The following RAX variants were observed in gnomAD, a reference collection of about 807,000 sequenced individuals.
RAX encodes the protein retina and anterior neural fold homeobox.
In RAX, 11 loss-of-function variants were observed where a neutral mutation model predicts 17.4. The observed-to-expected ratio is 0.63, with a 90% CI of 0.40 to 1.05. RAX has a LOEUF of 1.05. Ranked by LOEUF, RAX falls within the 50% of genes least tolerant of loss-of-function variation. The pLI is 0.00. For missense variants in RAX, 527 were observed against 501.1 expected, an observed-to-expected ratio of 1.05 and a Z score of -0.49; for synonymous variants, 276 against 254.7, an observed-to-expected ratio of 1.08 and a Z score of -0.80.
At position 59,273,017 on chromosome 18, in the gene RAX, C is replaced by T. The variant is rs1445611036; in HGVS notation, c.190G>A (p.Asp64Asn). The part of the protein sequence containing the change: ...ERGARGAKER[D>N]RRLGARPACP... ...GCGGGCCGCGCGCCCAGCCTCCTAT[C>T]CCGCTCCTTCGCGCCCCGGGCGCCC... is the stretch of plus-strand genomic sequence containing the variant. The change falls in exon 1 of 3, where the codon GAT (aspartate) becomes AAT (asparagine). Residue 64 changes from aspartate to asparagine, a missense_variant. Physicochemically the swap from Asp to Asn is conservative, Grantham distance 23. Coordinates refer to ENST00000334889, the MANE Select transcript of RAX (RefSeq NM_013435.3). 6 of 1,533,970 alleles carry T rather than the reference C, an allele frequency of 3.9e-6. No homozygotes were observed. The highest frequency in any genetic ancestry group is 2.4e-5 in the East Asian group (1 of 40,846).
At chr18:59,272,166 A>G (rs1166008468) in intron 2 of RAX, among the ~76,000 whole-genome samples, 195 bp downstream of exon 2, 1 of 152,246 alleles carries the variant, frequency 6.6e-6, no homozygotes, top group Non-Finnish European at 1.5e-5. Context: ...TCGTACTACA[A>G]ACTGGAACAG....
Position 59,273,280 on chromosome 18 carries a change from G to C in RAX, c.-74C>G. 1 of 1,443,240 alleles carries C rather than the reference G, an allele frequency of 6.9e-7. No homozygotes were observed. Among genetic ancestry groups the C allele is most frequent in the Non-Finnish European group, 9.2e-7 (1 of 1,088,416 alleles). The allele number at this position is 1,443,240 out of a possible 1,614,324, so 89.4% of individuals were successfully genotyped here. Reference sequence around the variant, plus strand: ...CTCGAAGCCGGGTCTTCCCGAGTGCGGCGGTGCAACCCGACGGGTCCCGAC... The same window carrying C: ...CTCGAAGCCGGGTCTTCCCGAGTGCCGCGGTGCAACCCGACGGGTCCCGAC... On this transcript the variant is annotated 5_prime_UTR_variant, in exon 1 of 3. Coordinates refer to ENST00000334889, the MANE Select transcript of RAX (RefSeq NM_013435.3).
chr18:59,270,390 G>C (rs1555667491), intron 2 of RAX, among the ~76,000 whole-genome samples: 2 of 151,970 alleles, frequency 1.3e-5, no homozygotes, highest in Non-Finnish European at 2.9e-5. Context: ...AAGGTTTTTT[G>C]CTTCTTCTTC....
intron 2 of RAX, among the ~76,000 whole-genome samples, 162 bp downstream of exon 2, chr18:59,272,199 G>A (rs1022151392): frequency 6.6e-6 from 1 of 152,248 alleles, no homozygotes; most frequent in Non-Finnish European, 1.5e-5. Flanking sequence ...GCGATGCACA[G>A]GGAACATCGA....
rs1315957672 is a variant in RAX, at chr18:59,269,322, C to T, written c.723G>A (p.Leu241=). The part of the protein sequence containing the change: ...GGGPAGGALP[L]ESWLGPPLPG... ...GCAGCGGCGGCCCGAGCCAGGACTC[C>T]AGCGGCAGCGCGCCCCCAGCCGGCC... The change falls in exon 3 of 3, where the codon CTG becomes CTA. Residue 241 remains leucine (L), a synonymous_variant. Transcript: ENST00000334889. The T allele has an allele frequency of 7.7e-7, 1 of 1,299,958 alleles. No individual in the cohort carries two copies. Among genetic ancestry groups the T allele is most frequent in the Non-Finnish European group, 9.7e-7 (1 of 1,029,986 alleles). 80.5% of individuals were successfully genotyped at this position (1,299,958 alleles called of 1,614,324 possible).
chr18:59,267,750 C>T lies in RAX; in HGVS notation c.*1254G>A, dbSNP rs1453216875. On this transcript the variant is annotated 3_prime_UTR_variant, in exon 3 of 3. Coordinates refer to ENST00000334889, the MANE Select transcript of RAX (RefSeq NM_013435.3). ...GCTCAGGCGGGAGTCCGGGACTCTC[C>T]TTCTTCAGAGAGTCTCAGGAGATTG... is the stretch of plus-strand genomic sequence containing the variant. 1 of 152,072 alleles carries T rather than the reference C, an allele frequency of 6.6e-6. No individual in the cohort carries two copies. Among genetic ancestry groups the T allele is most frequent in the African/African-American group, 2.4e-5 (1 of 41,392 alleles). The allele number at this position is 152,072 out of a possible 1,614,324, so 9.4% of individuals were successfully genotyped here. A position where few individuals can be genotyped will look rare whatever the true frequency, so the allele number is the denominator to read the frequency against.
intron 2 of RAX, among the ~76,000 whole-genome samples, chr18:59,270,981 A>C (rs1207901338): frequency 6.6e-6 from 1 of 152,228 alleles, no homozygotes; most frequent in African/African-American, 2.4e-5. Flanking sequence ...CCCAGGTTAT[A>C]GACTGAAGGA....
rs965716154 is a variant in RAX at position 59,273,421 on chromosome 18, T to A, written c.-215A>T. 1.4e-5 allele frequency: 8 copies of A among 565,544 alleles called. No homozygotes were observed. Among genetic ancestry groups the A allele is most frequent in the African/African-American group, 1.4e-4 (7 of 49,608 alleles). 35.0% of individuals were successfully genotyped at this position (565,544 alleles called of 1,614,324 possible). A position where few individuals can be genotyped will look rare whatever the true frequency, so the allele number is the denominator to read the frequency against. On this transcript the variant is annotated 5_prime_UTR_variant, in exon 1 of 3. Coordinates refer to ENST00000334889, the MANE Select transcript of RAX (RefSeq NM_013435.3). Reference sequence around the variant, plus strand: ...GTCGGAAGTTCGGGCTCGGGGTAGCTGGGGCTCTCGGCGCTAAAGGCGGGG... The same window carrying A: ...GTCGGAAGTTCGGGCTCGGGGTAGCAGGGGCTCTCGGCGCTAAAGGCGGGG...
In RAX at chr18:59,268,135, C is replaced by G. The variant is rs1243633653; in HGVS notation, c.*869G>C. On this transcript the variant is annotated 3_prime_UTR_variant, in exon 3 of 3. Coordinates refer to ENST00000334889, the MANE Select transcript of RAX (RefSeq NM_013435.3). The surrounding 1 kb of genome is among the most constrained non-coding windows in gnomAD (Gnocchi z 4.4). The stretch of plus-strand genomic sequence containing the variant: ...TTAGGAGAGCGGGGACGCCAGGGGC[C>G]GGGGGACACTTCGCTCTCGCCCTAG... 1 of 152,488 alleles carries G rather than the reference C, an allele frequency of 6.6e-6. No homozygotes were observed. Among genetic ancestry groups the G allele is most frequent in the African/African-American group, 2.4e-5 (1 of 41,404 alleles). The allele number at this position is 152,488 out of a possible 1,614,324, so 9.4% of individuals were successfully genotyped here. A position where few individuals can be genotyped will look rare whatever the true frequency, so the allele number is the denominator to read the frequency against.
rs944233320 is a variant in RAX at position 59,272,799 on chromosome 18, C to A, written c.289+119G>T. The A allele has an allele frequency of 5.0e-6, 7 of 1,399,458 alleles. No individual in the cohort carries two copies. In the African/African-American group the frequency reaches 8.6e-5, roughly 17 times the overall value. 86.7% of individuals were successfully genotyped at this position (1,399,458 alleles called of 1,614,324 possible). A position where few individuals can be genotyped will look rare whatever the true frequency, so the allele number is the denominator to read the frequency against. On this transcript the variant is annotated intron_variant, in intron 1 of 2. Transcript: ENST00000334889. ...GCAAATTGGAAGCTCCCGCCATAGA[C>A]GGTCCCCAACCCCGCGCCCAGTTGC...
In RAX at chr18:59,272,703, C is replaced by T. The variant is rs529916865; in HGVS notation, c.290-89G>A. On this transcript the variant is annotated intron_variant, in intron 1 of 2. Transcript: ENST00000334889. ...CTCGCTGTGGGCACTGGCCAGCCCGCCTGCGGGCTCCGAGATGGCCCGGGG... is the reference window on the plus strand; with the variant it reads ...CTCGCTGTGGGCACTGGCCAGCCCGTCTGCGGGCTCCGAGATGGCCCGGGG... The T allele has an allele frequency of 1.4e-5, 20 of 1,472,406 alleles. No homozygotes were observed. The East Asian group carries it at 3.9e-4, about 29-fold the overall frequency. 91.2% of individuals were successfully genotyped at this position (1,472,406 alleles called of 1,614,324 possible). A position where few individuals can be genotyped will look rare whatever the true frequency, so the allele number is the denominator to read the frequency against.
rs1369873955 is a variant in RAX, at chr18:59,267,725, GCTCAGGCGGGAGTCCGGGACTCTCCTT to G, written c.*1252_*1278del. 1.3e-5 allele frequency: 2 copies of G among 149,400 alleles called. No individual in the cohort carries two copies. Among genetic ancestry groups the G allele is most frequent in the African/African-American group, 4.9e-5 (2 of 40,698 alleles). 9.3% of individuals were successfully genotyped at this position (149,400 alleles called of 1,614,324 possible). On this transcript the variant is annotated 3_prime_UTR_variant, in exon 3 of 3. Transcript: ENST00000334889. Reference sequence around the variant, plus strand: ...AGTGTCAACGGTGGATATCGAGCACGCTCAGGCGGGAGTCCGGGACTCTCCTTCTTCAGAGAGTCTCAGGAGATTGTG... The same window carrying G: ...AGTGTCAACGGTGGATATCGAGCACGCTTCAGAGAGTCTCAGGAGATTGTG...
At chr18:59,269,606 A>G in intron 2 of RAX, 105 bp from the exon 3 acceptor site, 1 of 1,307,894 alleles carries the variant, frequency 7.6e-7, no homozygotes, top group Non-Finnish European at 1.0e-6. Context: ...TCCCCCTCAA[A>G]TAAAACTAGG....
Position 59,267,492 on chromosome 18 carries a change from GTTTA to G in RAX, c.*1508_*1511del, listed in dbSNP as rs2070288701. 1 of 152,322 alleles carries G rather than the reference GTTTA, an allele frequency of 6.6e-6. No individual in the cohort carries two copies. The highest frequency in any genetic ancestry group is 2.1e-4 in the South Asian group (1 of 4,832). The allele number at this position is 152,322 out of a possible 1,614,324, so 9.4% of individuals were successfully genotyped here. ...CTTTCCCACCTTCCAGAGAGACAGA[GTTTA>G]TTTAGACGAGGAAAGGGGACTGGGA... On this transcript the variant is annotated 3_prime_UTR_variant, in exon 3 of 3. Coordinates refer to ENST00000334889, the MANE Select transcript of RAX (RefSeq NM_013435.3).
At position 59,269,312 on chromosome 18, in the gene RAX, G is replaced by A; in HGVS notation, c.733C>T (p.Leu245Phe). The A allele has an allele frequency of 7.7e-7, 1 of 1,306,080 alleles. No individual in the cohort carries two copies. The highest frequency in any genetic ancestry group is 2.2e-5 in the South Asian group (1 of 45,716). 80.9% of individuals were successfully genotyped at this position (1,306,080 alleles called of 1,614,324 possible). ...AGGALPLESW[L>F]GPPLPGGGAT... is the part of the protein sequence containing the mutation. ...CCCCCGCCCGGCAGCGGCGGCCCGA[G>A]CCAGGACTCCAGCGGCAGCGCGCCC... The change falls in exon 3 of 3, where the codon CTC becomes TTC. Residue 245 changes from leucine to phenylalanine, a missense_variant. Transcript: ENST00000334889.
chr18:59,268,828 C>A lies in RAX; in HGVS notation c.*176G>T, dbSNP rs1045279959. On this transcript the variant is annotated 3_prime_UTR_variant, in exon 3 of 3. Transcript: ENST00000334889. This position sits in a 1 kb window ranked among gnomAD's most constrained non-coding sequence, Gnocchi z 4.4. ...AGGGCCTCTCCTCAGGCCTGAAAGTCGCCCTTCTCCCCGTGCATCGGGAGC... is the reference window on the plus strand; with the variant it reads ...AGGGCCTCTCCTCAGGCCTGAAAGTAGCCCTTCTCCCCGTGCATCGGGAGC... 2 of 1,082,104 alleles carry A rather than the reference C, an allele frequency of 1.8e-6. No homozygotes were observed. The highest frequency in any genetic ancestry group is 2.6e-6 in the Non-Finnish European group (2 of 759,726). 67.0% of individuals were successfully genotyped at this position (1,082,104 alleles called of 1,614,324 possible). A position where few individuals can be genotyped will look rare whatever the true frequency, so the allele number is the denominator to read the frequency against.
intron 2 of RAX, among the ~76,000 whole-genome samples, chr18:59,270,369 AGCTC>A (rs1265899193): frequency 9.8e-5 from 15 of 152,336 alleles, no homozygotes; most frequent in African/African-American, 3.6e-4. Flanking sequence ...CTAAGACCTT[AGCTC>A]AATGACAAGG....
chr18:59,270,418 C>T (rs2070328840), intron 2 of RAX, among the ~76,000 whole-genome samples: 1 of 152,132 alleles, frequency 6.6e-6, no homozygotes, highest in Admixed American at 6.5e-5. Flanking sequence ...GTACGAAGTC[C>T]TTGCCAAGAG....
At chr18:59,272,193 T>C (rs2070342957) in intron 2 of RAX, among the ~76,000 whole-genome samples, 168 bp downstream of exon 2, 1 of 152,240 alleles carries the variant, frequency 6.6e-6, no homozygotes, top group Admixed American at 6.5e-5. Context: ...TGAAGGGCGA[T>C]GCACAGGGAA....
Sources: gnomAD v4.1 joint callset for allele counts (sites outside exome capture counted in the v4.1 genomes callset) on GRCh38, gnomAD v4.1.1 for gene constraint, Gnocchi (gnomAD v3.1) non-coding constraint, MANE v1.5 for transcripts, NCBI Gene and HGNC (gene_info 2026-07-23, HGNC 2026-07-21) for gene names.